IPPK: variants seen among roughly 807,000 people sequenced by gnomAD.
IPPK encodes the protein inositol-pentakisphosphate 2-kinase, also known as IPK1 homolog.
A neutral mutation model predicts 64.6 loss-of-function variants in IPPK; 22 were observed. The observed-to-expected ratio is 0.34, with a 90% confidence interval of 0.24 to 0.49. The LOEUF is 0.49. Among genes scored for constraint, IPPK ranks in the 20% least tolerant of loss-of-function variants. The pLI is 0.99. For synonymous variants in IPPK, 262 were observed against 247.2 expected, an observed-to-expected ratio of 1.06 and a Z score of -0.56; for missense variants, 532 against 630.7, an observed-to-expected ratio of 0.84 and a Z score of 1.68.
chr9:92,669,805 G>A, intron 1 of IPPK, 103 bp downstream of exon 1: 2 of 791,752 alleles, frequency 2.5e-6, no homozygotes, highest in East Asian at 2.9e-5. Flanking sequence ...AAGGTACTGG[G>A]GGGACGTGGA....
In IPPK at chr9:92,616,072, T is replaced by C. The variant is rs1305220530; in HGVS notation, c.1251-15A>G. On this transcript the variant is annotated splice_polypyrimidine_tract_variant and intron_variant, in intron 12 of 12. Coordinates refer to ENST00000287996, the MANE Select transcript of IPPK (RefSeq NM_022755.6). Reference sequence around the variant, plus strand: ...TTTGATCAGAGCTGCAAGTAAAAAGTACCATTTCAGGATACACAAGCCCCC... The same window carrying C: ...TTTGATCAGAGCTGCAAGTAAAAAGCACCATTTCAGGATACACAAGCCCCC... The C allele has an allele frequency of 6.3e-7, 1 of 1,587,692 alleles. No individual in the cohort carries two copies. Among genetic ancestry groups the C allele is most frequent in the Admixed American group, 1.7e-5 (1 of 58,654 alleles).
intron 12 of IPPK, chr9:92,616,472 C>T (rs1021372136): frequency 6.2e-6 from 1 of 161,024 alleles, no homozygotes; most frequent in Non-Finnish European, 1.4e-5. Flanking sequence ...CCAAGTATTA[C>T]AAAACCCAAC....
At chr9:92,652,682 G>C (rs751191212) in intron 3 of IPPK, 43 bp from the exon 4 acceptor site, 1 of 1,105,922 alleles carries the variant, frequency 9.0e-7, no homozygotes, top group South Asian at 1.4e-5. Context: ...ATTGCACAAT[G>C]ACATGAACAC....
At chr9:92,651,302 G>A (rs1005365726) in intron 4 of IPPK, among the ~76,000 whole-genome samples, 16 of 152,128 alleles carry the variant, frequency 1.1e-4, no homozygotes, top group African/African-American at 2.4e-5. Flanking sequence ...CTCAACTCAC[G>A]AAATTTATCT....
At chr9:92,656,045 G>A (rs191153228) in intron 3 of IPPK, among the ~76,000 whole-genome samples, 1 of 152,312 alleles carries the variant, frequency 6.6e-6, no homozygotes, top group East Asian at 1.9e-4. Context: ...TTGGGCAGCG[G>A]AGGCCCTTCC....
chr9:92,649,380 C>T (rs910550847), intron 5 of IPPK, 73 bp downstream of exon 5: 10 of 1,574,978 alleles, frequency 6.3e-6, no homozygotes, highest in South Asian at 5.7e-5. Context: ...ACCCAAGGCA[C>T]GTGACTCTTG....
At chr9:92,629,103 G>T (rs1851786207) in intron 11 of IPPK, among the ~76,000 whole-genome samples, 1 of 151,966 alleles carries the variant, frequency 6.6e-6, no homozygotes, top group South Asian at 2.1e-4. Context: ...TGAAAAAAAA[G>T]AATGATGTCG....
At chr9:92,665,803 A>G (rs897331004) in intron 1 of IPPK, among the ~76,000 whole-genome samples, 2 of 151,912 alleles carry the variant, frequency 1.3e-5, no homozygotes, top group Non-Finnish European at 2.9e-5. Context: ...ATACAAAATC[A>G]TGCTGTATGG....
At chr9:92,646,620 T>G (rs1416867427) in intron 6 of IPPK, among the ~76,000 whole-genome samples, 1 of 152,202 alleles carries the variant, frequency 6.6e-6, no homozygotes, top group African/African-American at 2.4e-5. Flanking sequence ...ACTTAAAGAT[T>G]TATTAGAAGA....
intron 11 of IPPK, among the ~76,000 whole-genome samples, chr9:92,626,392 A>T (rs189376068): frequency 1.6e-4 from 25 of 152,290 alleles, no homozygotes. Context: ...GCGAGACTCC[A>T]TCTCAAAAAC....
chr9:92,634,776 G>A (rs747190195), intron 10 of IPPK, among the ~76,000 whole-genome samples: 5 of 152,174 alleles, frequency 3.3e-5, no homozygotes, highest in Non-Finnish European at 5.9e-5. Flanking sequence ...TCCTGGCCCC[G>A]ACTGGACACC....
chr9:92,649,358 G>C, intron 5 of IPPK, 95 bp downstream of exon 5: 1 of 1,463,088 alleles, frequency 6.8e-7, no homozygotes. Flanking sequence ...ACTCACTTCA[G>C]TGGGAACTGG....
At chr9:92,659,767 T>TC (rs1212757050) in intron 1 of IPPK, among the ~76,000 whole-genome samples, 1 of 151,938 alleles carries the variant, frequency 6.6e-6, no homozygotes, top group Non-Finnish European at 1.5e-5. Flanking sequence ...CAAGCCAGAC[T>TC]CCCCCACCCG....
chr9:92,637,547 A>T (rs1851964044), intron 9 of IPPK, among the ~76,000 whole-genome samples: 1 of 152,056 alleles, frequency 6.6e-6, no homozygotes, highest in Non-Finnish European at 1.5e-5. Context: ...CAAAGGCCCC[A>T]TGGGTCTGTG....
rs754627590 is a variant in IPPK, at chr9:92,638,009, C to T, written c.908G>A (p.Arg303His). 2.9e-5 allele frequency: 46 copies of T among 1,570,816 alleles called. No homozygotes were observed. Among genetic ancestry groups the T allele is most frequent in the South Asian group, 2.5e-4 (22 of 86,338 alleles). Residue 303 changes from arginine to histidine, a missense_variant, in exon 9 of 13, where the codon CGC (arginine) becomes CAC (histidine). Physicochemically the swap from Arg to His is conservative, Grantham distance 29 (BLOSUM62 0). Transcript: ENST00000287996. ...GGAAGGCTGGGCCCTACCTTGGCAGCGAAGGCTCCTACTGAAAGGGCTGGC... is the reference window on the plus strand; with the variant it reads ...GGAAGGCTGGGCCCTACCTTGGCAGTGAAGGCTCCTACTGAAAGGGCTGGC... Reference protein sequence around the residue: ...CEASPFSRSLRCQGKNTPERS... With the variant: ...CEASPFSRSLHCQGKNTPERS...
intron 12 of IPPK, 191 bp downstream of exon 12, chr9:92,619,293 CTT>C: frequency 7.0e-6 from 4 of 570,084 alleles, no homozygotes; most frequent in Admixed American, 2.9e-5. Flanking sequence ...ATAAATCTGT[CTT>C]TTGACTGAAT....
At chr9:92,654,198 A>G (rs1375108314) in intron 3 of IPPK, among the ~76,000 whole-genome samples, 1 of 152,196 alleles carries the variant, frequency 6.6e-6, no homozygotes, top group Non-Finnish European at 1.5e-5. Flanking sequence ...TGATTTTATA[A>G]TATGCATATC....
At chr9:92,646,422 T>A (rs1852151257) in intron 6 of IPPK, among the ~76,000 whole-genome samples, 1 of 152,168 alleles carries the variant, frequency 6.6e-6, no homozygotes, top group Non-Finnish European at 1.5e-5. Context: ...CAAACAATGT[T>A]CTCCAAATAC....
Position 92,635,636 on chromosome 9 carries a change from C to A in IPPK, c.917-328G>T, listed in dbSNP as rs1394451080. Reference sequence around the variant, plus strand: ...GTCCTTTAGATTCCACCACAACAGCCCTGGAAGTCACTTTATGATCTAAGT... The same window carrying A: ...GTCCTTTAGATTCCACCACAACAGCACTGGAAGTCACTTTATGATCTAAGT... On this transcript the variant is annotated intron_variant, in intron 9 of 12. Transcript: ENST00000287996. The surrounding 1 kb of genome is among the most constrained non-coding windows in gnomAD (Gnocchi z 4.4). Among the ~76,000 whole-genome samples the A allele has an allele frequency of 6.6e-6, 1 of 152,206 alleles. No individual in the cohort carries two copies. Among genetic ancestry groups the A allele is most frequent in the East Asian group, 1.9e-4 (1 of 5,194 alleles).
Sources: allele counts gnomAD v4.1 joint callset (sites outside exome capture counted in the v4.1 genomes callset), GRCh38; gene constraint gnomAD v4.1.1; non-coding constraint Gnocchi (gnomAD v3.1); transcripts MANE v1.5; gene names NCBI Gene and HGNC (gene_info 2026-07-23, HGNC 2026-07-21).